DOP1A: variants seen among roughly 807,000 people sequenced by gnomAD.
DOP1A encodes the protein DOP1 leucine zipper like protein A.
DOP1A carries 90 observed loss-of-function variants against 267.6 expected under a neutral mutation model. The ratio of observed to expected loss-of-function variants is 0.34; its 90% confidence interval spans 0.28 to 0.40. The LOEUF (loss-of-function observed/expected upper bound fraction) is 0.40, where lower values mean the gene tolerates loss of function less well. Among genes scored for constraint, DOP1A ranks in the 10% least tolerant of loss-of-function variants. The pLI, the probability that DOP1A is intolerant of heterozygous loss-of-function variation, is 1.00. For synonymous variants in DOP1A, 932 were observed against 999.1 expected (o/e 0.93, Z 1.27); for missense variants, 2,437 against 2,900.4 (o/e 0.84, Z 3.67).
intron 15 of DOP1A, among the ~76,000 whole-genome samples, chr6:83,127,566 C>T (rs1002252127): frequency 2.6e-5 from 4 of 152,076 alleles, no homozygotes; most frequent in Non-Finnish European, 2.9e-5. Flanking sequence ...GGCATAATTA[C>T]GTTTGTATAT....
intron 5 of DOP1A, among the ~76,000 whole-genome samples, chr6:83,109,475 T>C (rs1774182740): frequency 6.6e-6 from 1 of 152,146 alleles, no homozygotes; most frequent in Non-Finnish European, 1.5e-5. Context: ...CTCAAGAAAA[T>C]TGTGACCCAT....
At chr6:83,099,927 A>G (rs759440803) in intron 3 of DOP1A, among the ~76,000 whole-genome samples, 2 of 152,138 alleles carry the variant, frequency 1.3e-5, no homozygotes, top group Non-Finnish European at 2.9e-5. Flanking sequence ...CAGTTCTAAC[A>G]TAGTCTGTAT....
intron 26 of DOP1A, 65 bp downstream of exon 26, chr6:83,147,356 A>T (rs1260330007): frequency 2.4e-6 from 2 of 831,042 alleles, no homozygotes; most frequent in Admixed American, 2.8e-5. Context: ...TTATTTATGG[A>T]TATATTAATA....
chr6:83,102,265 TC>T (rs1411036650), intron 4 of DOP1A, among the ~76,000 whole-genome samples: 1 of 152,228 alleles, frequency 6.6e-6, no homozygotes, highest in Non-Finnish European at 1.5e-5. Flanking sequence ...TACCTTGTTT[TC>T]CCCACCCACA....
intron 38 of DOP1A, chr6:83,165,761 C>G (rs1036232840): frequency 4.1e-6 from 1 of 241,178 alleles, no homozygotes; most frequent in African/African-American, 2.3e-5. Context: ...ATTTTCGAAG[C>G]GTTGGTTGTG....
At chr6:83,100,247 T>C (rs1473677146) in intron 3 of DOP1A, among the ~76,000 whole-genome samples, 1 of 152,196 alleles carries the variant, frequency 6.6e-6, no homozygotes, top group Non-Finnish European at 1.5e-5. Flanking sequence ...TTGCTGTAAT[T>C]TGATATACTA....
chr6:83,143,852 A>G (rs1780031976), intron 24 of DOP1A, among the ~76,000 whole-genome samples: 1 of 152,222 alleles, frequency 6.6e-6, no homozygotes, highest in Non-Finnish European at 1.5e-5. Context: ...AATGAAGTAA[A>G]TATGTTTCCA....
chr6:83,082,157 A>G (rs1488226088), intron 1 of DOP1A, among the ~76,000 whole-genome samples: 1 of 152,198 alleles, frequency 6.6e-6, no homozygotes, highest in Non-Finnish European at 1.5e-5. Flanking sequence ...ATGATTCTGT[A>G]ATCCCACTAC....
chr6:83,115,488 C>T (rs201686847), intron 7 of DOP1A, among the ~76,000 whole-genome samples: 11 of 152,104 alleles, frequency 7.2e-5, no homozygotes, highest in South Asian at 4.2e-4. Flanking sequence ...TTTGGGAGGC[C>T]GAGGCAAGCG....
chr6:83,071,422 G>A (rs1384824382), intron 1 of DOP1A, among the ~76,000 whole-genome samples: 1 of 152,046 alleles, frequency 6.6e-6, no homozygotes, highest in African/African-American at 2.4e-5. Context: ...GGTCACGCTG[G>A]TCTCAAACTC....
intron 1 of DOP1A, among the ~76,000 whole-genome samples, chr6:83,086,226 T>C (rs1180831075): frequency 6.6e-6 from 1 of 152,214 alleles, no homozygotes; most frequent in Admixed American, 6.5e-5. Flanking sequence ...GTAACATAAA[T>C]GGTTGATTAA....
chr6:83,071,545 C>T (rs961192143), intron 1 of DOP1A, among the ~76,000 whole-genome samples: 1 of 152,084 alleles, frequency 6.6e-6, no homozygotes, highest in Non-Finnish European at 1.5e-5. Context: ...GCTCTGCCCT[C>T]GGATCTTATA....
chr6:83,119,005 G>A lies in DOP1A; in HGVS notation c.880+18G>A, dbSNP rs2148010. Reference sequence around the variant, plus strand: ...GCTTCTTGGTAGGTATTTGATGTCTGTGGTCATGATTGGGGAAAAAATGGA... The same window carrying A: ...GCTTCTTGGTAGGTATTTGATGTCTATGGTCATGATTGGGGAAAAAATGGA... On this transcript the variant is annotated intron_variant, in intron 8 of 38. Coordinates refer to ENST00000349129, the MANE Select transcript of DOP1A (RefSeq NM_015018.4). 1,234,048 of 1,607,252 alleles carry A rather than the reference G, an allele frequency of 0.77. 474,631 individuals are homozygous for A. The highest frequency in any genetic ancestry group is 0.83 in the Admixed American group (49,522 of 59,938).
chr6:83,161,745 A>G (rs769990960), intron 37 of DOP1A, among the ~76,000 whole-genome samples: 1 of 152,198 alleles, frequency 6.6e-6, no homozygotes, highest in African/African-American at 2.4e-5. Flanking sequence ...ATACACTGAT[A>G]TTGTCCAATT....
In DOP1A at chr6:83,151,670, C is replaced by T. The variant is rs1187670404; in HGVS notation, c.5904+11C>T. The T allele has an allele frequency of 6.3e-7, 1 of 1,592,522 alleles. No homozygotes were observed. Among genetic ancestry groups the T allele is most frequent in the Admixed American group, 1.9e-5 (1 of 53,894 alleles). On this transcript the variant is annotated intron_variant, in intron 28 of 38. Transcript: ENST00000349129. ...CAAAGAGACCTTCAGGTAAGGCAGTCTAAGAGCTGTTGCCAAAACTGTTTC... is the reference window on the plus strand; with the variant it reads ...CAAAGAGACCTTCAGGTAAGGCAGTTTAAGAGCTGTTGCCAAAACTGTTTC...
intron 1 of DOP1A, among the ~76,000 whole-genome samples, chr6:83,076,123 C>G (rs903143454): frequency 3.9e-5 from 6 of 152,124 alleles, no homozygotes; most frequent in African/African-American, 1.4e-4. Flanking sequence ...AAAGAAAGAG[C>G]TACTCTTACA....
intron 4 of DOP1A, among the ~76,000 whole-genome samples, chr6:83,103,735 C>T (rs952060094): frequency 2.0e-5 from 3 of 152,250 alleles, no homozygotes; most frequent in African/African-American, 2.4e-5. Context: ...AACGACTTAA[C>T]TTTTCTTTTA....
At chr6:83,163,025 C>T in intron 38 of DOP1A, 106 bp downstream of exon 38, 1 of 1,323,816 alleles carries the variant, frequency 7.6e-7, no homozygotes. Flanking sequence ...TCAAGTTGAG[C>T]TATTTTGAAA....
At chr6:83,093,378 C>T (rs1475607931) in intron 1 of DOP1A, among the ~76,000 whole-genome samples, 3 of 152,192 alleles carry the variant, frequency 2.0e-5, no homozygotes, top group African/African-American at 7.2e-5. Flanking sequence ...TTGGCACAAC[C>T]TTAACCAAGG....
Sources: gnomAD v4.1 joint callset for allele counts (sites outside exome capture counted in the v4.1 genomes callset) on GRCh38, gnomAD v4.1.1 for gene constraint, MANE v1.5 for transcripts, NCBI Gene and HGNC (gene_info 2026-07-23, HGNC 2026-07-21) for gene names.